Variants in TBX22 observed in about 807,000 individuals in gnomAD.
TBX22 encodes T-box transcription factor TBX22.
In TBX22, 8 loss-of-function variants were observed where a neutral mutation model predicts 30.1. The ratio of observed to expected loss-of-function variants is 0.27; its 90% CI spans 0.16 to 0.48. The LOEUF (loss-of-function observed/expected upper bound fraction) is 0.48, where lower values mean the gene tolerates loss of function less well. Ranked by LOEUF, TBX22 falls within the 20% of genes least tolerant of loss-of-function variation. TBX22 has a pLI of 0.99. For missense variants in TBX22, 463 were observed against 400.5 expected (o/e 1.16, Z -1.33); for synonymous variants, 173 against 149.1 (o/e 1.16, Z -1.17).
Position 80,029,973 on chromosome X carries a change from C to A in TBX22, c.950-525C>A, listed in dbSNP as rs747453995. On this transcript the variant is annotated intron_variant, in intron 8 of 8. Coordinates refer to ENST00000373296, the MANE Select transcript of TBX22 (RefSeq NM_001109878.2). The stretch of plus-strand genomic sequence containing the variant: ...GTAGTATAGATCAGTGGTCCCCAAC[C>A]TTTTTGGTACCAGGGGCCAGTTTTG... Among the ~76,000 whole-genome samples, 467 of 111,613 alleles carry A rather than the reference C, an allele frequency of 4.2e-3. 6 individuals are homozygous for A. Among genetic ancestry groups the A allele is most frequent in the Admixed American group, 0.029 (305 of 10,476 alleles).
intron 8 of TBX22, among the ~76,000 whole-genome samples, chrX:80,029,053 A>G (rs1332381669): frequency 8.9e-6 from 1 of 112,151 alleles, no homozygotes; most frequent in African/African-American, 3.2e-5. Context: ...GTGCACTAAT[A>G]AAGAAAAAGT....
chrX:80,025,835 G>A, intron 5 of TBX22, 58 bp downstream of exon 5: 1 of 1,089,224 alleles, frequency 9.2e-7, no homozygotes, highest in Non-Finnish European at 1.2e-6. Context: ...CTGCCCACTG[G>A]TCACCCTGGA....
chrX:80,015,134 G>C (rs1923367214), intron 1 of TBX22, among the ~76,000 whole-genome samples: 1 of 111,804 alleles, frequency 8.9e-6, no homozygotes, highest in Non-Finnish European at 1.9e-5. Flanking sequence ...ATGAAGGCTA[G>C]ACTTGTCCAG....
chrX:80,024,084 G>A lies in TBX22; in HGVS notation c.378G>A (p.Arg126=). Residue 126 remains arginine (R), a synonymous_variant, in exon 4 of 9, where the codon CGG becomes CGA. Coordinates refer to ENST00000373296, the MANE Select transcript of TBX22 (RefSeq NM_001109878.2). Reference sequence around the variant, plus strand: ...ACAGGCGGATGTTCCCCTCTGTTCGGGTCAAGGTGAAAGGGTTGGATCCAG... The same window carrying A: ...ACAGGCGGATGTTCCCCTCTGTTCGAGTCAAGGTGAAAGGGTTGGATCCAG... The part of the protein sequence containing the change: ...KAGRRMFPSV[R]VKVKGLDPGK... 8.3e-7 allele frequency: 1 copy of A among 1,211,051 alleles called. No individual in the cohort carries two copies. The highest frequency in any genetic ancestry group is 1.1e-6 in the Non-Finnish European group (1 of 895,162).
chrX:80,023,598 C>T (rs1424444295), intron 3 of TBX22, among the ~76,000 whole-genome samples: 2 of 111,478 alleles, frequency 1.8e-5, no homozygotes, highest in Non-Finnish European at 3.8e-5. Context: ...CACAGTTCCT[C>T]GCGCCCGCTA....
intron 1 of TBX22, among the ~76,000 whole-genome samples, chrX:80,018,228 C>T (rs1391108468): frequency 1.2e-4 from 13 of 111,861 alleles, no homozygotes; most frequent in South Asian, 3.7e-4. Flanking sequence ...AACACAGCTA[C>T]GAGTTAGGGT....
intron 4 of TBX22, 61 bp from the exon 5 acceptor site, chrX:80,025,542 G>C (rs1923927622): frequency 9.9e-7 from 1 of 1,010,492 alleles, no homozygotes; most frequent in Admixed American, 2.2e-5. Context: ...CTCAGGAACA[G>C]AACACAACAG....
Position 80,027,606 on chromosome X carries a change from T to G in TBX22, c.863+286T>G, listed in dbSNP as rs181346505. Among the ~76,000 whole-genome samples the G allele has an allele frequency of 6.0e-3, 676 of 111,805 alleles. 10 individuals carry two copies. Among genetic ancestry groups the G allele is most frequent in the African/African-American group, 0.021 (652 of 30,777 alleles). ...ATTGGTCAGGCTGGTCCTGAACACC[T>G]GACCTCGTGATCTGCCCGCCTCAGC... On this transcript the variant is annotated intron_variant, in intron 7 of 8. Coordinates refer to ENST00000373296, the MANE Select transcript of TBX22 (RefSeq NM_001109878.2).
At chrX:80,021,221 G>A (rs755125354) in intron 1 of TBX22, among the ~76,000 whole-genome samples, 3 of 111,952 alleles carry the variant, frequency 2.7e-5, no homozygotes, top group Non-Finnish European at 5.6e-5. Context: ...CCCTGCTGGT[G>A]GACCTGGAGT....
Position 80,028,075 on chromosome X carries a change from A to G in TBX22, c.948A>G (p.Gln316=). The change falls in exon 8 of 9, where the codon CAA becomes CAG. Residue 316 remains glutamine, a splice_region_variant and synonymous_variant. Coordinates refer to ENST00000373296, the MANE Select transcript of TBX22 (RefSeq NM_001109878.2). ...TTAAAACCTTTGGCGCAGACACACA[A>G]AGTAAGAAAACTTGGAACGTTTGTT... ...LDFKTFGADT[Q]SGSSGSSPVT... The G allele has an allele frequency of 8.3e-7, 1 of 1,203,703 alleles. No individual in the cohort carries two copies. Among genetic ancestry groups the G allele is most frequent in the Non-Finnish European group, 1.1e-6 (1 of 888,998 alleles).
At chrX:80,027,189 A>G in intron 6 of TBX22, 67 bp from the exon 7 acceptor site, 2 of 626,139 alleles carry the variant, frequency 3.2e-6, no homozygotes, top group East Asian at 6.5e-5. Context: ...TAACCACTAT[A>G]AGCAATGGCA....
intron 6 of TBX22, 101 bp downstream of exon 6, chrX:80,026,969 T>A: frequency 1.2e-6 from 1 of 862,180 alleles, no homozygotes; most frequent in Non-Finnish European, 1.7e-6. Context: ...TCCACAATTC[T>A]AAATAAAAAT....
At chrX:80,028,996 A>G (rs1924115297) in intron 8 of TBX22, among the ~76,000 whole-genome samples, 1 of 111,320 alleles carries the variant, frequency 9.0e-6, no homozygotes, top group African/African-American at 3.3e-5. Flanking sequence ...CGATTTAACT[A>G]ATAGCATCTA....
rs990792008 is a variant in TBX22, at chrX:80,024,203, A to G, written c.458+39A>G. The G allele has an allele frequency of 7.0e-6, 8 of 1,145,638 alleles. No homozygotes were observed. In the Middle Eastern group the frequency reaches 7.6e-4, roughly 108 times the overall value. 94.4% of individuals were successfully genotyped at this position (1,145,638 alleles called of 1,213,427 possible). A position where few individuals can be genotyped will look rare whatever the true frequency, so the allele number is the denominator to read the frequency against. On this transcript the variant is annotated intron_variant, in intron 4 of 8. Transcript: ENST00000373296. ...TAGAATGGTACTCTATGCCCAGGCTAGGGCCAGGGATTTGGACCTTCAGAC... is the reference window on the plus strand; with the variant it reads ...TAGAATGGTACTCTATGCCCAGGCTGGGGCCAGGGATTTGGACCTTCAGAC...
chrX:80,024,334 T>C (rs1478839806), intron 4 of TBX22, among the ~76,000 whole-genome samples, 170 bp downstream of exon 4: 2 of 110,936 alleles, frequency 1.8e-5, no homozygotes, highest in Non-Finnish European at 3.8e-5. Context: ...AAAATTGGGG[T>C]TCCCAGTGAA....
intron 1 of TBX22, among the ~76,000 whole-genome samples, chrX:80,021,522 C>T (rs1048621119): frequency 1.2e-4 from 14 of 112,405 alleles, no homozygotes; most frequent in African/African-American, 4.5e-4. Flanking sequence ...GACCCTGATA[C>T]ATCTCTCCGG....
Position 80,031,595 on chromosome X carries a change from C to T in TBX22, c.*484C>T, listed in dbSNP as rs982910003. Reference sequence around the variant, plus strand: ...ATTTAATTATTTGTTTGCCTCATGCCTTTATACTTTGCTGTTGAAGAAACT... The same window carrying T: ...ATTTAATTATTTGTTTGCCTCATGCTTTTATACTTTGCTGTTGAAGAAACT... On this transcript the variant is annotated 3_prime_UTR_variant, in exon 9 of 9. Transcript: ENST00000373296. The T allele has an allele frequency of 6.0e-5, 7 of 115,871 alleles. No individual in the cohort carries two copies. In the Admixed American group the frequency reaches 6.2e-4, roughly 10 times the overall value. 9.5% of individuals were successfully genotyped at this position (115,871 alleles called of 1,213,427 possible).
chrX:80,025,148 C>T (rs963119193), intron 4 of TBX22, among the ~76,000 whole-genome samples: 1 of 111,750 alleles, frequency 8.9e-6, no homozygotes, highest in Non-Finnish European at 1.9e-5. Context: ...CCAGAGGCTG[C>T]GCAGGGCTGT....
intron 4 of TBX22, among the ~76,000 whole-genome samples, chrX:80,025,208 A>T (rs761283233): frequency 4.7e-4 from 53 of 111,669 alleles, no homozygotes; most frequent in African/African-American, 1.5e-3. Flanking sequence ...AAGGGCTTCC[A>T]CAAAGAGTGG....
Sources: allele counts gnomAD v4.1 joint callset (sites outside exome capture counted in the v4.1 genomes callset), GRCh38; gene constraint gnomAD v4.1.1; transcripts MANE v1.5; gene names NCBI Gene and HGNC (gene_info 2026-07-23, HGNC 2026-07-21).